The following SZT2 variants were observed in gnomAD, a reference collection of about 807,000 sequenced individuals.
The protein encoded by SZT2 is SZT2 subunit of KICSTOR complex.
SZT2 carries 216 observed loss-of-function variants against 404.2 expected under a neutral mutation model. That is an observed-to-expected ratio of 0.53 (90% CI 0.48 to 0.60). The LOEUF (loss-of-function observed/expected upper bound fraction) is 0.60. SZT2 is among the 20% of genes least tolerant of loss of function. The probability of loss-of-function intolerance (pLI) is 0.00; values close to 1 mark genes in which losing one functional copy is unlikely to be tolerated. For missense variants in SZT2, 3,857 were observed against 4,459.2 expected, an observed-to-expected ratio of 0.86 and a Z score of 3.85; for synonymous variants, 1,693 against 1,749.9, an observed-to-expected ratio of 0.97 and a Z score of 0.81.
At position 43,451,195 on chromosome 1, in the gene SZT2, A is replaced by C; in HGVS notation, c.*715A>C. 2 of 1,551,394 alleles carry C rather than the reference A, an allele frequency of 1.3e-6. No individual in the cohort carries two copies. The highest frequency in any genetic ancestry group is 1.8e-6 in the Non-Finnish European group (2 of 1,122,988). ...TCTTTAATGCAGAGGAGGAGATGGGATGTCACTCGCTGTCTGGAGGCACGT... is the reference window on the plus strand; with the variant it reads ...TCTTTAATGCAGAGGAGGAGATGGGCTGTCACTCGCTGTCTGGAGGCACGT... On this transcript the variant is annotated 3_prime_UTR_variant, in exon 72 of 72. Transcript: ENST00000634258.
At chr1:43,445,630 CCT>C in intron 62 of SZT2, 1 of 549,182 alleles carries the variant, frequency 1.8e-6, no homozygotes, top group Non-Finnish European at 3.3e-6. Flanking sequence ...CAGCACACAC[CCT>C]CTCAGTAGCA....
At position 43,441,287 on chromosome 1, in the gene SZT2, C is replaced by G. The variant is rs759697344; in HGVS notation, c.7418C>G (p.Thr2473Ser). Residue 2473 changes from threonine (T) to serine (S), a missense_variant, in exon 53 of 72, where the codon ACT becomes AGT. Thr to Ser is a moderately conservative substitution (Grantham distance 58). Around this residue, in one of 7 missense-constraint regions of SZT2, gnomAD observed 573 missense variants for 592.4 expected, o/e 0.97. Transcript: ENST00000634258. The surrounding 1 kb of genome is among the most constrained non-coding windows in gnomAD (Gnocchi z 4.8). ...ATTGTCCTGGATCGGCCAGAAGACACTCGGGGCCGGAGGCGTCACAAAACC... is the reference window on the plus strand; with the variant it reads ...ATTGTCCTGGATCGGCCAGAAGACAGTCGGGGCCGGAGGCGTCACAAAACC... ...DDIVLDRPEDTRGRRRHKTES... is the reference protein window; with the variant it reads ...DDIVLDRPEDSRGRRRHKTES... 2 of 1,614,254 alleles carry G rather than the reference C, an allele frequency of 1.2e-6. No homozygotes were observed. Among genetic ancestry groups the G allele is most frequent in the Admixed American group, 1.7e-5 (1 of 60,038 alleles).
In SZT2 at chr1:43,420,296, A is replaced by C; in HGVS notation, c.1234A>C (p.Ser412Arg). Reference sequence around the variant, plus strand: ...GTCCGTACGGCTTCGAGAGGGCTACAGTGTCCGAGAGGTCACACTGGCCAA... The same window carrying C: ...GTCCGTACGGCTTCGAGAGGGCTACCGTGTCCGAGAGGTCACACTGGCCAA... ...TVSVRLREGYSVREVTLAKGG... is the reference protein window; with the variant it reads ...TVSVRLREGYRVREVTLAKGG... Residue 412 changes from serine (S) to arginine (R), a missense_variant, in exon 9 of 72, where the codon AGT becomes CGT. Physicochemically the swap from Ser to Arg is moderately radical, Grantham distance 110. This residue lies in a region of SZT2 where 536 missense variants were observed against 637.4 expected (regional missense o/e 0.84). Transcript: ENST00000634258. The surrounding 1 kb of genome is among the most constrained non-coding windows in gnomAD (Gnocchi z 5.1). 1 of 1,596,448 alleles carries C rather than the reference A, an allele frequency of 6.3e-7. No individual in the cohort carries two copies. Among genetic ancestry groups the C allele is most frequent in the Non-Finnish European group, 8.5e-7 (1 of 1,178,796 alleles).
chr1:43,403,845 G>C (rs1383033607), intron 3 of SZT2, 71 bp downstream of exon 3: 1 of 1,546,072 alleles, frequency 6.5e-7, no homozygotes, highest in African/African-American at 1.4e-5. Context: ...AGGCCTGTGG[G>C]GAAGTGAAAA....
intron 27 of SZT2, 22 bp from the exon 28 acceptor site, chr1:43,428,218 T>C: frequency 3.1e-6 from 5 of 1,614,048 alleles, no homozygotes; most frequent in Non-Finnish European, 4.2e-6. Context: ...TCAAGCCTCA[T>C]GGCCCCTTCC....
At position 43,425,531 on chromosome 1, in the gene SZT2, G is replaced by A. The variant is rs1259265625; in HGVS notation, c.2703G>A (p.Glu901=). 6.2e-7 allele frequency: 1 copy of A among 1,614,216 alleles called. No homozygotes were observed. The highest frequency in any genetic ancestry group is 8.5e-7 in the Non-Finnish European group (1 of 1,180,030). ...VEVEALEGDS[E]LNLVTEVWVE... ...TGGAGGCCCTGGAGGGAGACTCAGA[G>A]CTCAATCTGGTCACTGAGGTGTGGG... Residue 901 remains glutamate (E), a synonymous_variant, in exon 19 of 72, where the codon GAG becomes GAA. Transcript: ENST00000634258. The surrounding 1 kb of genome is among the most constrained non-coding windows in gnomAD (Gnocchi z 4.3).
rs116609480 is a variant in SZT2 at position 43,408,855 on chromosome 1, G to A, written c.498+4305G>A. Among the ~76,000 whole-genome samples, 1,238 of 152,022 alleles carry A rather than the reference G, an allele frequency of 8.1e-3. 18 individuals are homozygous for A. The highest frequency in any genetic ancestry group is 0.027 in the African/African-American group (1,125 of 41,442). On this transcript the variant is annotated intron_variant, in intron 4 of 71. Transcript: ENST00000634258. Reference sequence around the variant, plus strand: ...TGTCCCACTTTCCCTTTTCTGGCTCGCCCGACCCACTTATCCAGTTGGGAA... The same window carrying A: ...TGTCCCACTTTCCCTTTTCTGGCTCACCCGACCCACTTATCCAGTTGGGAA...
rs148208657 is a variant in SZT2, at chr1:43,425,616, C to G, written c.2788C>G (p.Leu930Val). 6.2e-7 allele frequency: 1 copy of G among 1,613,992 alleles called. No individual in the cohort carries two copies. The highest frequency in any genetic ancestry group is 1.3e-5 in the African/African-American group (1 of 74,934). ...GPGIWKHLQD[L>V]TYSEIPQALH... ...TGGAATCTGGAAGCACCTCCAGGAC[C>G]TGACGTATTCTGAGATCCCGCAAGC... The change falls in exon 19 of 72, where the codon CTG (leucine) becomes GTG (valine). Residue 930 changes from leucine (L) to valine (V), a missense_variant. Physicochemically the swap from Leu to Val is conservative, Grantham distance 32. Around this residue, in one of 7 missense-constraint regions of SZT2, gnomAD observed 1,725 missense variants for 1,881.0 expected, o/e 0.92. Transcript: ENST00000634258. This position sits in a 1 kb window ranked among gnomAD's most constrained non-coding sequence, Gnocchi z 4.3.
At chr1:43,434,585 A>G (rs781542899) in intron 41 of SZT2, 100 bp downstream of exon 41, 2 of 1,081,944 alleles carry the variant, frequency 1.8e-6, no homozygotes, top group Non-Finnish European at 2.7e-6. Flanking sequence ...TTCAGAATCA[A>G]TAATTATGGA....
At chr1:43,404,317 T>C in intron 3 of SZT2, 63 bp from the exon 4 acceptor site, 4 of 1,447,580 alleles carry the variant, frequency 2.8e-6, no homozygotes, top group Non-Finnish European at 3.8e-6. Flanking sequence ...GGAAGCTGCA[T>C]GTTTCTGCCC....
chr1:43,394,502 C>T (rs1055477950), intron 1 of SZT2, among the ~76,000 whole-genome samples: 1 of 152,198 alleles, frequency 6.6e-6, no homozygotes, highest in South Asian at 2.1e-4. Context: ...AAACACCATT[C>T]TAGCTGCTTA....
Position 43,424,642 on chromosome 1 carries a change from G to C in SZT2, c.2472-142G>C. ...CTCACTGGATTTGTTATACCCTGAG[G>C]GACCGCCAGTCTAAGCAGGGCCAGC... On this transcript the variant is annotated intron_variant, in intron 16 of 71. Coordinates refer to ENST00000634258, the MANE Select transcript of SZT2 (RefSeq NM_001365999.1). The surrounding 1 kb of genome is among the most constrained non-coding windows in gnomAD (Gnocchi z 4.1). 1.2e-6 allele frequency: 1 copy of C among 864,228 alleles called. No homozygotes were observed. Among genetic ancestry groups the C allele is most frequent in the Non-Finnish European group, 1.8e-6 (1 of 555,654 alleles). The allele number at this position is 864,228 out of a possible 1,614,324, so 53.5% of individuals were successfully genotyped here. A position where few individuals can be genotyped will look rare whatever the true frequency, so the allele number is the denominator to read the frequency against.
intron 41 of SZT2, 44 bp from the exon 42 acceptor site, chr1:43,435,156 G>T: frequency 6.2e-7 from 1 of 1,605,892 alleles, no homozygotes; most frequent in East Asian, 2.2e-5. Flanking sequence ...CACCCACTTA[G>T]GAGGAGGTAT....
Position 43,431,702 on chromosome 1 carries a change from C to T in SZT2, c.5089-14C>T. 6.2e-7 allele frequency: 1 copy of T among 1,613,130 alleles called. No homozygotes were observed. ...CAAGGGAGATGCCCTTTGTCACTTG[C>T]TGTCTAACTGTAGATCCGCTGGTTG... On this transcript the variant is annotated splice_polypyrimidine_tract_variant and intron_variant, in intron 35 of 71. Transcript: ENST00000634258.
rs768528200 is a variant in SZT2 at position 43,448,470 on chromosome 1, A to G, written c.9955A>G (p.Ile3319Val). The G allele has an allele frequency of 2.5e-6, 4 of 1,609,328 alleles. No homozygotes were observed. The highest frequency in any genetic ancestry group is 2.2e-5 in the South Asian group (2 of 90,856). The change falls in exon 69 of 72, where the codon ATC becomes GTC. Residue 3319 changes from isoleucine to valine, a missense_variant. Ile to Val is a conservative substitution (Grantham distance 29, BLOSUM62 3). Transcript: ENST00000634258. The surrounding 1 kb of genome is among the most constrained non-coding windows in gnomAD (Gnocchi z 4.2). ...EAVHAKSIGD[I>V]DPQLDCFLSM... ...AGTCCATGCCAAATCCATTGGGGAC[A>G]TCGACCCCCAGCTGGTAAGGAACTG...
chr1:43,423,199 G>T lies in SZT2; in HGVS notation c.2138G>T (p.Gly713Val), dbSNP rs766656735. 1.4e-5 allele frequency: 22 copies of T among 1,597,712 alleles called. No individual in the cohort carries two copies. In the Admixed American group the frequency reaches 3.5e-4, roughly 25 times the overall value. ...AAGGTGAAACGAAAAGGGCTAGGGGGTGCTGGTGGGGGCAGCTCTCCCTCC... is the reference window on the plus strand; with the variant it reads ...AAGGTGAAACGAAAAGGGCTAGGGGTTGCTGGTGGGGGCAGCTCTCCCTCC... ...TPKVKRKGLG[G>V]AGGGSSPSKS... The change falls in exon 15 of 72, where the codon GGT (glycine) becomes GTT (valine). Residue 713 changes from glycine (G) to valine (V), a missense_variant. Transcript: ENST00000634258.
In SZT2 at chr1:43,420,345, T is replaced by C; in HGVS notation, c.1261+22T>C. On this transcript the variant is annotated intron_variant, in intron 9 of 71. Transcript: ENST00000634258. The surrounding 1 kb of genome is among the most constrained non-coding windows in gnomAD (Gnocchi z 5.1). ...AAAGGTAAGGGTCATTAGGCCCTGC[T>C]GTAATCCCATAGATCTCTCAAGAAT... is the stretch of plus-strand genomic sequence containing the variant. 1.9e-6 allele frequency: 3 copies of C among 1,549,732 alleles called. No homozygotes were observed. The highest frequency in any genetic ancestry group is 2.6e-6 in the Non-Finnish European group (3 of 1,153,402).
chr1:43,427,813 T>A, intron 26 of SZT2, 79 bp downstream of exon 26: 1 of 1,519,240 alleles, frequency 6.6e-7, no homozygotes. Context: ...CTAATAGGCG[T>A]GGGCAGGTAA....
Position 43,431,816 on chromosome 1 carries a change from C to G in SZT2, c.5189C>G (p.Ser1730Cys). The stretch of plus-strand genomic sequence containing the variant: ...CGCGCAGCTGCCCATATCCATAGTT[C>G]TCCTGGACGCTCCACCTGCCTTCGC... ...LHRAAAHIHS[S>C]PGRSTCLRQT... Residue 1730 changes from serine to cysteine, a missense_variant, in exon 36 of 72, where the codon TCT becomes TGT. Ser to Cys is a moderately radical substitution (Grantham distance 112). Around this residue, in one of 7 missense-constraint regions of SZT2, gnomAD observed 1,725 missense variants for 1,881.0 expected, o/e 0.92. Coordinates refer to ENST00000634258, the MANE Select transcript of SZT2 (RefSeq NM_001365999.1). 6.2e-7 allele frequency: 1 copy of G among 1,614,240 alleles called. No homozygotes were observed. Among genetic ancestry groups the G allele is most frequent in the South Asian group, 1.1e-5 (1 of 91,080 alleles).
Sources: allele counts gnomAD v4.1 joint callset (sites outside exome capture counted in the v4.1 genomes callset), GRCh38; gene constraint gnomAD v4.1.1; regional missense constraint gnomAD v4.1.1; non-coding constraint Gnocchi (gnomAD v3.1); transcripts MANE v1.5; gene names NCBI Gene and HGNC (gene_info 2026-07-23, HGNC 2026-07-21).